Variants in CPEB4 observed in about 807,000 individuals in gnomAD.
CPEB4 encodes the protein cytoplasmic polyadenylation element-binding protein 4.
CPEB4 carries 12 observed loss-of-function variants against 72.5 expected under a neutral mutation model. That is an observed-to-expected ratio of 0.17 (90% CI 0.11 to 0.27). The LOEUF (loss-of-function observed/expected upper bound fraction) is 0.27. CPEB4 is among the 10% of genes least tolerant of loss of function. The pLI is 1.00. For missense variants in CPEB4, 614 were observed against 908.5 expected, an observed-to-expected ratio of 0.68 and a Z score of 4.17; for synonymous variants, 302 against 326.3, an observed-to-expected ratio of 0.93 and a Z score of 0.80.
Position 173,929,857 on chromosome 5 carries a change from A to G in CPEB4, c.1208-2593A>G, listed in dbSNP as rs147642732. On this transcript the variant is annotated intron_variant, in intron 2 of 9. Coordinates refer to ENST00000265085, the MANE Select transcript of CPEB4 (RefSeq NM_030627.4). The stretch of plus-strand genomic sequence containing the variant: ...ACATTTCCTCTTAATATTTCAACTA[A>G]TGTTATCAAATATTTTTGTCTCTAT... 1.7e-4 allele frequency among the ~76,000 whole-genome samples: 26 copies of G among 152,274 alleles called. No homozygotes were observed. In the East Asian group the frequency reaches 5.0e-3, roughly 29 times the overall value.
chr5:173,949,900 C>T lies in CPEB4; in HGVS notation c.1547-60C>T. 6 of 1,125,918 alleles carry T rather than the reference C, an allele frequency of 5.3e-6. No homozygotes were observed. In the South Asian group the frequency reaches 6.6e-5, roughly 12 times the overall value. The allele number at this position is 1,125,918 out of a possible 1,614,324, so 69.7% of individuals were successfully genotyped here. ...TTTAGTTTTGTGCATGATTCCTTTCCCCTGAAGAATTACCAAAAAATAGGA... is the reference window on the plus strand; with the variant it reads ...TTTAGTTTTGTGCATGATTCCTTTCTCCTGAAGAATTACCAAAAAATAGGA... On this transcript the variant is annotated intron_variant, in intron 6 of 9. Transcript: ENST00000265085.
In CPEB4 at chr5:173,909,425, T is replaced by G. The variant is rs1338925231; in HGVS notation, c.1126-1098T>G. Among the ~76,000 whole-genome samples the G allele has an allele frequency of 3.3e-5, 5 of 152,186 alleles. No homozygotes were observed. The East Asian group carries it at 9.6e-4, about 29-fold the overall frequency. ...TGCTTCAGCAGTTCTCTATTGCTAT[T>G]CTCATCCTTCTCCTTAGAGAAAGCC... On this transcript the variant is annotated intron_variant, in intron 1 of 9. Transcript: ENST00000265085.
At chr5:173,926,470 A>G (rs1757244474) in intron 2 of CPEB4, among the ~76,000 whole-genome samples, 1 of 152,218 alleles carries the variant, frequency 6.6e-6, no homozygotes, top group Admixed American at 6.5e-5. Flanking sequence ...AGAATTGCCT[A>G]GTTGACGTAT....
Position 173,890,061 on chromosome 5 carries a change from A to G in CPEB4, c.328A>G (p.Thr110Ala), listed in dbSNP as rs1755749206. The change falls in exon 1 of 10, where the codon ACA (threonine) becomes GCA (alanine). Residue 110 changes from threonine (T) to alanine (A), a missense_variant. Transcript: ENST00000265085. Reference sequence around the variant, plus strand: ...TCAGGAAGCTGGAATACTGCCTGAAACAGAGAAGGCAAAATCAGAAGAAAA... The same window carrying G: ...TCAGGAAGCTGGAATACTGCCTGAAGCAGAGAAGGCAAAATCAGAAGAAAA... The part of the protein sequence containing the change: ...PGQEAGILPE[T>A]EKAKSEENQG... The G allele has an allele frequency of 2.5e-6, 4 of 1,614,154 alleles. No individual in the cohort carries two copies. Among genetic ancestry groups the G allele is most frequent in the East Asian group, 2.2e-5 (1 of 44,888 alleles).
chr5:173,904,397 G>C (rs190913516), intron 1 of CPEB4, among the ~76,000 whole-genome samples: 19 of 152,280 alleles, frequency 1.2e-4, no homozygotes, highest in African/African-American at 3.4e-4. Context: ...ATGCATTTAT[G>C]ATGGGTCTCT....
rs570691438 is a variant in CPEB4, at chr5:173,946,240, C to T, written c.1456+1100C>T. Among the ~76,000 whole-genome samples, 3 of 152,218 alleles carry T rather than the reference C, an allele frequency of 2.0e-5. No individual in the cohort carries two copies. In the South Asian group the frequency reaches 6.2e-4, roughly 32 times the overall value. On this transcript the variant is annotated intron_variant, in intron 5 of 9. Transcript: ENST00000265085. Reference sequence around the variant, plus strand: ...ATAAAATGTCTTGGTGGAAGCTATGCTGAAATTTCAGGGTTCTCTGAATCA... The same window carrying T: ...ATAAAATGTCTTGGTGGAAGCTATGTTGAAATTTCAGGGTTCTCTGAATCA...
chr5:173,901,807 T>C (rs1756244321), intron 1 of CPEB4, among the ~76,000 whole-genome samples: 1 of 152,174 alleles, frequency 6.6e-6, no homozygotes, highest in South Asian at 2.1e-4. Context: ...AGGAGGAACA[T>C]GTTAGCCACT....
chr5:173,939,778 A>T (rs1166985017), intron 3 of CPEB4, among the ~76,000 whole-genome samples: 1 of 151,144 alleles, frequency 6.6e-6, no homozygotes, highest in Admixed American at 6.6e-5. Context: ...ACAATCTTGA[A>T]TCCTGTTAGT....
chr5:173,911,336 C>T (rs1756651324), intron 2 of CPEB4, among the ~76,000 whole-genome samples: 1 of 150,332 alleles, frequency 6.7e-6, no homozygotes, highest in South Asian at 2.1e-4. Flanking sequence ...GTGGCGTGAT[C>T]ACTGCAAGCT....
At chr5:173,906,194 C>A (rs1383070462) in intron 1 of CPEB4, among the ~76,000 whole-genome samples, 1 of 152,170 alleles carries the variant, frequency 6.6e-6, no homozygotes, top group Non-Finnish European at 1.5e-5. Flanking sequence ...CACTCTTATT[C>A]TTTTGATTTG....
At position 173,890,546 on chromosome 5, in the gene CPEB4, G is replaced by C; in HGVS notation, c.813G>C (p.Leu271=). The C allele has an allele frequency of 1.2e-6, 2 of 1,614,046 alleles. No individual in the cohort carries two copies. The highest frequency in any genetic ancestry group is 1.7e-5 in the Admixed American group (1 of 60,008). The change falls in exon 1 of 10, where the codon CTG becomes CTC. Residue 271 remains leucine, a synonymous_variant. Transcript: ENST00000265085. ...ATAGAAATGCTGCTTTTAACCAGCTGCCTCATTTGGCGAATAATCTTAACA... is the reference window on the plus strand; with the variant it reads ...ATAGAAATGCTGCTTTTAACCAGCTCCCTCATTTGGCGAATAATCTTAACA... ...FTHRNAAFNQ[L]PHLANNLNKP...
At chr5:173,932,701 C>T (rs1757489780) in intron 3 of CPEB4, among the ~76,000 whole-genome samples, 1 of 152,124 alleles carries the variant, frequency 6.6e-6, no homozygotes, top group Non-Finnish European at 1.5e-5. Flanking sequence ...CAACTGATTC[C>T]CTGTCCTGAA....
chr5:173,928,992 T>C (rs1339101157), intron 2 of CPEB4, among the ~76,000 whole-genome samples: 1 of 152,236 alleles, frequency 6.6e-6, no homozygotes, highest in African/African-American at 2.4e-5. Flanking sequence ...GTGTGTTTGC[T>C]ACTAGAGACC....
chr5:173,940,266 C>T (rs1265488361), intron 3 of CPEB4, among the ~76,000 whole-genome samples: 3 of 152,162 alleles, frequency 2.0e-5, no homozygotes, highest in African/African-American at 7.2e-5. Flanking sequence ...CTGAAGGAAA[C>T]TTCTGAGCAG....
chr5:173,890,635 C>T lies in CPEB4; in HGVS notation c.902C>T (p.Pro301Leu). 1 of 1,613,984 alleles carries T rather than the reference C, an allele frequency of 6.2e-7. No individual in the cohort carries two copies. The highest frequency in any genetic ancestry group is 8.5e-7 in the Non-Finnish European group (1 of 1,179,930). The change falls in exon 1 of 10, where the codon CCG becomes CTG. Residue 301 changes from proline to leucine, a missense_variant. By Grantham distance (98) the Pro-to-Leu change is moderately conservative. Around this residue, in one of 5 missense-constraint regions of CPEB4, gnomAD observed 458 missense variants for 548.6 expected, o/e 0.83. Coordinates refer to ENST00000265085, the MANE Select transcript of CPEB4 (RefSeq NM_030627.4). Reference protein sequence around the residue: ...PSPTPSSSWSPGGGGYGGWGG... With the variant: ...PSPTPSSSWSLGGGGYGGWGG... ...CCAACACCCTCCTCTTCCTGGAGCCCGGGCGGTGGTGGATATGGTGGCTGG... is the reference window on the plus strand; with the variant it reads ...CCAACACCCTCCTCTTCCTGGAGCCTGGGCGGTGGTGGATATGGTGGCTGG...
rs917185919 is a variant in CPEB4 at position 173,904,681 on chromosome 5, C to G, written c.1126-5842C>G. 3.3e-5 allele frequency among the ~76,000 whole-genome samples: 5 copies of G among 149,408 alleles called. No homozygotes were observed. The Admixed American group carries it at 3.4e-4, about 10-fold the overall frequency. On this transcript the variant is annotated intron_variant, in intron 1 of 9. Coordinates refer to ENST00000265085, the MANE Select transcript of CPEB4 (RefSeq NM_030627.4). ...TCTTTGCCATGATCATTACCCTACC[C>G]AAGGAAGGATCACTTACTTGGTTTA...
At chr5:173,933,739 G>T (rs373554010) in intron 3 of CPEB4, among the ~76,000 whole-genome samples, 1 of 152,268 alleles carries the variant, frequency 6.6e-6, no homozygotes, top group South Asian at 2.1e-4. Flanking sequence ...CAAGATTGGG[G>T]ATATTACTGT....
chr5:173,929,630 G>A (rs1421558498), intron 2 of CPEB4, among the ~76,000 whole-genome samples: 1 of 152,064 alleles, frequency 6.6e-6, no homozygotes, highest in African/African-American at 2.4e-5. Flanking sequence ...AGCCTGGGAG[G>A]TCGAGGCTGG....
Position 173,943,056 on chromosome 5 carries a change from T to C in CPEB4, c.1282+7T>C. On this transcript the variant is annotated splice_region_variant and intron_variant, in intron 4 of 9. Coordinates refer to ENST00000265085, the MANE Select transcript of CPEB4 (RefSeq NM_030627.4). ...ACATATGGGCGAAGGAGAGGTAACA[T>C]TGTTTTTAACTTTTAAATGTATCAC... The C allele has an allele frequency of 1.2e-6, 2 of 1,611,416 alleles. No individual in the cohort carries two copies. Among genetic ancestry groups the C allele is most frequent in the Admixed American group, 3.4e-5 (2 of 59,542 alleles).
Sources: allele counts gnomAD v4.1 joint callset (sites outside exome capture counted in the v4.1 genomes callset), GRCh38; gene constraint gnomAD v4.1.1; regional missense constraint gnomAD v4.1.1; transcripts MANE v1.5; gene names NCBI Gene and HGNC (gene_info 2026-07-23, HGNC 2026-07-21).